The following AGO2 variants were observed in gnomAD, a reference collection of about 807,000 sequenced individuals.
AGO2 encodes the protein argonaute RISC catalytic component 2.
AGO2 carries 5 observed loss-of-function variants against 102.3 expected under a neutral mutation model. The ratio of observed to expected loss-of-function variants is 0.05; its 90% CI spans 0.03 to 0.10. The LOEUF is 0.10. Among genes scored for constraint, AGO2 ranks in the 10% least tolerant of loss-of-function variants. The pLI is 1.00. For synonymous variants in AGO2, 449 were observed against 473.1 expected (o/e 0.95, Z 0.66); for missense variants, 541 against 1,183.7 (o/e 0.46, Z 7.97).
Position 140,531,971 on chromosome 8 carries a change from G to A in AGO2, c.*73C>T. 1 of 1,289,262 alleles carries A rather than the reference G, an allele frequency of 7.8e-7. No individual in the cohort carries two copies. Among genetic ancestry groups the A allele is most frequent in the Non-Finnish European group, 1.1e-6 (1 of 891,260 alleles). The allele number at this position is 1,289,262 out of a possible 1,614,324, so 79.9% of individuals were successfully genotyped here. On this transcript the variant is annotated 3_prime_UTR_variant, in exon 19 of 19. Coordinates refer to ENST00000220592, the MANE Select transcript of AGO2 (RefSeq NM_012154.5). The stretch of plus-strand genomic sequence containing the variant: ...GATGCTGGCTGTCACGGAAGGGCTG[G>A]CCATCTGTTGGTCTGAGTGTAGCTG...
rs564807713 is a variant in AGO2 at position 140,540,220 on chromosome 8, G to A, written c.2035-766C>T. Reference sequence around the variant, plus strand: ...CCAGGAGGCCATGGGTCTCGGGAACGAGCTCTGCTTCCGCTCTGGACTGGG... The same window carrying A: ...CCAGGAGGCCATGGGTCTCGGGAACAAGCTCTGCTTCCGCTCTGGACTGGG... On this transcript the variant is annotated intron_variant, in intron 15 of 18. Transcript: ENST00000220592. This position sits in a 1 kb window ranked among gnomAD's most constrained non-coding sequence, Gnocchi z 5.0. Among the ~76,000 whole-genome samples, 8 of 152,332 alleles carry A rather than the reference G, an allele frequency of 5.3e-5. No homozygotes were observed. In the East Asian group the frequency reaches 5.8e-4, roughly 11 times the overall value.
rs1343151404 is a variant in AGO2, at chr8:140,539,303, G to A, written c.2169+17C>T. 6.3e-7 allele frequency: 1 copy of A among 1,593,042 alleles called. No homozygotes were observed. The highest frequency in any genetic ancestry group is 8.6e-7 in the Non-Finnish European group (1 of 1,167,410). Reference sequence around the variant, plus strand: ...GGGAGAACCGTGCCCCCTGCCTGGAGTCATGCAGAAACTCACCCGCTCGTT... The same window carrying A: ...GGGAGAACCGTGCCCCCTGCCTGGAATCATGCAGAAACTCACCCGCTCGTT... On this transcript the variant is annotated intron_variant, in intron 16 of 18. Transcript: ENST00000220592. The surrounding 1 kb of genome is among the most constrained non-coding windows in gnomAD (Gnocchi z 4.7).
rs1258411385 is a variant in AGO2, at chr8:140,529,100, G to A, written c.*2944C>T. 2.0e-5 allele frequency: 3 copies of A among 152,196 alleles called. No individual in the cohort carries two copies. The highest frequency in any genetic ancestry group is 4.4e-5 in the Non-Finnish European group (3 of 68,032). The allele number at this position is 152,196 out of a possible 1,614,324, so 9.4% of individuals were successfully genotyped here. Reference sequence around the variant, plus strand: ...CTTCTACACATAATTTTCACATTCAGTTTGCTTAAAGCAAGGCACACCTTA... The same window carrying A: ...CTTCTACACATAATTTTCACATTCAATTTGCTTAAAGCAAGGCACACCTTA... On this transcript the variant is annotated 3_prime_UTR_variant, in exon 19 of 19. Transcript: ENST00000220592.
At chr8:140,532,861 T>C (rs2072622343) in intron 17 of AGO2, among the ~76,000 whole-genome samples, 2 of 151,734 alleles carry the variant, frequency 1.3e-5, no homozygotes, top group South Asian at 4.2e-4. Flanking sequence ...GCTAGACAAT[T>C]GTGGCATGCG....
intron 1 of AGO2, among the ~76,000 whole-genome samples, chr8:140,605,042 T>C (rs1179209027): frequency 6.6e-6 from 1 of 152,192 alleles, no homozygotes; most frequent in East Asian, 1.9e-4. Context: ...AGACTGGCTA[T>C]GGCGGATACG....
intron 2 of AGO2, among the ~76,000 whole-genome samples, chr8:140,584,025 T>C (rs1204241865): frequency 6.6e-6 from 1 of 152,082 alleles, no homozygotes; most frequent in Non-Finnish European, 1.5e-5. Flanking sequence ...TACATGACTG[T>C]ATCTCTATCC....
chr8:140,585,294 G>C lies in AGO2; in HGVS notation c.40C>G (p.Pro14Ala). Residue 14 changes from proline to alanine, a missense_variant, in exon 2 of 19, where the codon CCG (proline) becomes GCG (alanine). By Grantham distance (27) the Pro-to-Ala change is conservative (BLOSUM62 -1). Transcript: ENST00000220592. ...GAGPALAPPA[P>A]PPPIQGYAFK... The stretch of plus-strand genomic sequence containing the variant: ...GCATATCCTTGGATGGGGGGCGGCG[G>C]CGCAGGAGGTGCAAGTGCTGGAATG... 6.2e-7 allele frequency: 1 copy of C among 1,613,870 alleles called. No homozygotes were observed. The highest frequency in any genetic ancestry group is 8.5e-7 in the Non-Finnish European group (1 of 1,179,890).
At chr8:140,582,157 A>C (rs2073567940) in intron 2 of AGO2, among the ~76,000 whole-genome samples, 1 of 152,262 alleles carries the variant, frequency 6.6e-6, no homozygotes, top group African/African-American at 2.4e-5. Flanking sequence ...AAACAATTGT[A>C]AAGAACAACA....
rs796188212 is a variant in AGO2, at chr8:140,570,662, C to CCTGTTCAGTGAGCAT, written c.336+2149_336+2150insATGCTCACTGAACAG. Among the ~76,000 whole-genome samples, 57 of 152,318 alleles carry CCTGTTCAGTGAGCAT rather than the reference C, an allele frequency of 3.7e-4. 1 individual carries two copies. Among genetic ancestry groups the CCTGTTCAGTGAGCAT allele is most frequent in the African/African-American group, 1.2e-3 (51 of 41,564 alleles). On this transcript the variant is annotated intron_variant, in intron 3 of 18. Transcript: ENST00000220592. ...CAGGCACCGGACGGGGATGTACATG[C>CCTGTTCAGTGAGCAT]TCACTGAAGTCTCACAAAGCCCCTG...
In AGO2 at chr8:140,557,513, A is replaced by G. The variant is rs1439518710; in HGVS notation, c.879-277T>C. On this transcript the variant is annotated intron_variant, in intron 7 of 18. Coordinates refer to ENST00000220592, the MANE Select transcript of AGO2 (RefSeq NM_012154.5). This position sits in a 1 kb window ranked among gnomAD's most constrained non-coding sequence, Gnocchi z 5.9. Reference sequence around the variant, plus strand: ...TCACAGTGTGTGTAAAGGAGTCAGGACGAATGGGCACGACCAGAAAGGCCT... The same window carrying G: ...TCACAGTGTGTGTAAAGGAGTCAGGGCGAATGGGCACGACCAGAAAGGCCT... Among the ~76,000 whole-genome samples the G allele has an allele frequency of 6.6e-6, 1 of 152,228 alleles. No individual in the cohort carries two copies. The highest frequency in any genetic ancestry group is 1.5e-5 in the Non-Finnish European group (1 of 68,038).
intron 16 of AGO2, among the ~76,000 whole-genome samples, chr8:140,536,933 T>C (rs1262363786): frequency 1.3e-5 from 2 of 152,234 alleles, no homozygotes; most frequent in Non-Finnish European, 2.9e-5. Flanking sequence ...CTCTTTCTTG[T>C]TGTACAACAA....
At chr8:140,607,280 GC>G (rs1288697053) in intron 1 of AGO2, among the ~76,000 whole-genome samples, 2 of 151,288 alleles carry the variant, frequency 1.3e-5, no homozygotes, top group African/African-American at 4.9e-5. Context: ...TTAAAAATGA[GC>G]CAGTTGCAAT....
At chr8:140,641,513 C>A in the AGO2 span, among the ~76,000 whole-genome samples, 2 of 152,096 alleles carry the variant, frequency 1.3e-5, no homozygotes, top group Non-Finnish European at 2.9e-5. Flanking sequence ...CATTGTTTAG[C>A]AAAGATTTTG....
intron 1 of AGO2, among the ~76,000 whole-genome samples, chr8:140,597,978 C>T (rs536140625): frequency 1.3e-5 from 2 of 152,354 alleles, no homozygotes; most frequent in South Asian, 2.1e-4. Flanking sequence ...CCAGCAGATG[C>T]TTGGCGGGGC....
chr8:140,572,738 T>C, intron 3 of AGO2, 74 bp downstream of exon 3: 1 of 1,557,436 alleles, frequency 6.4e-7, no homozygotes, highest in Non-Finnish European at 8.7e-7. Context: ...AGAACAGGCA[T>C]GACAGACTTT....
intron 3 of AGO2, among the ~76,000 whole-genome samples, chr8:140,564,337 C>T (rs556503395): frequency 3.5e-5 from 5 of 144,810 alleles, no homozygotes; most frequent in Admixed American, 2.1e-4. Context: ...TGGGGGATTT[C>T]AGGGTGGGAG....
intron 3 of AGO2, among the ~76,000 whole-genome samples, chr8:140,569,367 C>T (rs141150288): frequency 1.3e-5 from 2 of 152,372 alleles, no homozygotes; most frequent in Admixed American, 6.5e-5. Context: ...TCAACCCAGA[C>T]GCTCAATTTG....
intron 12 of AGO2, among the ~76,000 whole-genome samples, 188 bp from the exon 13 acceptor site, chr8:140,547,815 C>T (rs763741615): frequency 7.2e-5 from 11 of 152,236 alleles, no homozygotes; most frequent in Non-Finnish European, 1.5e-4. Context: ...CCGAGGGGGA[C>T]GCCAAGCTCC....
Position 140,532,633 on chromosome 8 carries a change from A to T in AGO2, c.2272-18T>A. ...CTTGTCCCCTAAAGCAGATCAGAAG[A>T]TTAGACAGTTGGACTCGCATAAAAT... On this transcript the variant is annotated intron_variant, in intron 17 of 18. Transcript: ENST00000220592. 6.2e-7 allele frequency: 1 copy of T among 1,612,206 alleles called. No homozygotes were observed. Among genetic ancestry groups the T allele is most frequent in the Non-Finnish European group, 8.5e-7 (1 of 1,178,384 alleles).
Sources: allele counts gnomAD v4.1 joint callset (sites outside exome capture counted in the v4.1 genomes callset), GRCh38; gene constraint gnomAD v4.1.1; non-coding constraint Gnocchi (gnomAD v3.1); transcripts MANE v1.5; gene names NCBI Gene and HGNC (gene_info 2026-07-23, HGNC 2026-07-21).